The following MATN2 variants were observed in gnomAD, a reference collection of about 807,000 sequenced individuals.
The protein encoded by MATN2 is matrilin-2.
A neutral mutation model predicts 103.2 loss-of-function variants in MATN2; 69 were observed. The ratio of observed to expected loss-of-function variants is 0.67; its 90% CI spans 0.55 to 0.82. The LOEUF is 0.82. Among genes scored for constraint, MATN2 ranks in the 40% least tolerant of loss-of-function variants. The probability of loss-of-function intolerance (pLI) is 0.00; values close to 1 mark genes in which losing one functional copy is unlikely to be tolerated. For synonymous variants in MATN2, 429 were observed against 450.2 expected, an observed-to-expected ratio of 0.95 and a Z score of 0.60; for missense variants, 1,023 against 1,211.5, an observed-to-expected ratio of 0.84 and a Z score of 2.31.
At chr8:97,992,467 G>A (rs1346912536) in intron 6 of MATN2, among the ~76,000 whole-genome samples, 2 of 151,998 alleles carry the variant, frequency 1.3e-5, no homozygotes, top group Non-Finnish European at 2.9e-5. Context: ...CAATGTCTGG[G>A]CCAGGTGTGG....
intron 5 of MATN2, among the ~76,000 whole-genome samples, chr8:97,972,288 G>A (rs6980688): frequency 0.22 from 32,851 of 149,788 alleles, 3,999 homozygotes; most frequent in African/African-American, 0.31. Context: ...GCAGTGAGCC[G>A]TGATCATGCC....
chr8:98,026,291 G>A (rs1410919341), intron 13 of MATN2, among the ~76,000 whole-genome samples: 2 of 140,656 alleles, frequency 1.4e-5, no homozygotes, highest in Non-Finnish European at 3.0e-5. Context: ...GCAGGGTCTT[G>A]CTCTGTCACC....
chr8:97,928,061 G>A (rs989602459), intron 2 of MATN2, among the ~76,000 whole-genome samples: 2 of 152,224 alleles, frequency 1.3e-5, no homozygotes, highest in East Asian at 1.9e-4. Flanking sequence ...ATGAAGGGTC[G>A]GGCAGGTGTG....
Position 98,016,559 on chromosome 8 carries a change from G to A in MATN2, c.1593G>A (p.Leu531=). 6.2e-7 allele frequency: 1 copy of A among 1,609,454 alleles called. No individual in the cohort carries two copies. Among genetic ancestry groups the A allele is most frequent in the Non-Finnish European group, 8.5e-7 (1 of 1,177,524 alleles). Residue 531 remains leucine (L), a synonymous_variant, in exon 11 of 19, where the codon CTG becomes CTA. Coordinates refer to ENST00000254898, the MANE Select transcript of MATN2 (RefSeq NM_002380.5). The part of the protein sequence containing the change: ...KTCAKLDSCA[L]GDHGCEHSCV... Reference sequence around the variant, plus strand: ...TCTCAGAATTGGACTCTTGTGCTCTGGGGGACCACGGTTGTGAACATTCGT... The same window carrying A: ...TCTCAGAATTGGACTCTTGTGCTCTAGGGGACCACGGTTGTGAACATTCGT...
At chr8:97,928,899 A>G (rs1810084218) in intron 2 of MATN2, among the ~76,000 whole-genome samples, 2 of 152,204 alleles carry the variant, frequency 1.3e-5, no homozygotes, top group Non-Finnish European at 2.9e-5. Flanking sequence ...GTTCTCATCT[A>G]TGCAATGGGT....
At chr8:98,033,691 G>GA (rs1416969416) in intron 18 of MATN2, 32 bp downstream of exon 18, 1 of 1,329,424 alleles carries the variant, frequency 7.5e-7, no homozygotes, top group Admixed American at 1.9e-5. Flanking sequence ...CTTCTGTATG[G>GA]AATGCAAAGA....
At chr8:97,923,278 C>T (rs1016162689) in intron 2 of MATN2, among the ~76,000 whole-genome samples, 5 of 152,082 alleles carry the variant, frequency 3.3e-5, no homozygotes, top group Non-Finnish European at 7.4e-5. Context: ...TTCTCTGTCC[C>T]TTTAGGAAAT....
At chr8:97,963,808 C>A (rs1013720708) in intron 5 of MATN2, among the ~76,000 whole-genome samples, 2 of 152,086 alleles carry the variant, frequency 1.3e-5, no homozygotes, top group Non-Finnish European at 2.9e-5. Flanking sequence ...CCCTTTACAG[C>A]GGTTCACTAA....
intron 4 of MATN2, among the ~76,000 whole-genome samples, chr8:97,953,414 G>A (rs1257702593): frequency 3.3e-5 from 5 of 152,196 alleles, no homozygotes; most frequent in African/African-American, 1.2e-4. Flanking sequence ...GCCAGGGCGG[G>A]TAGATCGCTT....
intron 6 of MATN2, among the ~76,000 whole-genome samples, chr8:97,987,042 CGTGT>C (rs1812220519): frequency 6.6e-6 from 1 of 150,950 alleles, no homozygotes; most frequent in Non-Finnish European, 1.5e-5. Flanking sequence ...AGGGTTTCAT[CGTGT>C]TAGCCAGGGT....
At chr8:97,999,899 A>ATTTTTTTTG (rs1812723786) in intron 7 of MATN2, among the ~76,000 whole-genome samples, 1 of 149,762 alleles carries the variant, frequency 6.7e-6, no homozygotes, top group Non-Finnish European at 1.5e-5. Flanking sequence ...AATTTTTTTA[A>ATTTTTTTTG]AGACGGAATC....
At position 97,961,491 on chromosome 8, in the gene MATN2, A is replaced by G. The variant is rs776404516; in HGVS notation, c.919A>G (p.Ser307Gly). ...GGGCTCCTTCGTCTGCCAGTGCTAC[A>G]GTGGCTACGCCCTGGCTGAGGATGG... ...VPGSFVCQCYSGYALAEDGKR... is the reference protein window; with the variant it reads ...VPGSFVCQCYGGYALAEDGKR... Residue 307 changes from serine (S) to glycine (G), a missense_variant, in exon 5 of 19, where the codon AGT becomes GGT. Transcript: ENST00000254898. 1.2e-6 allele frequency: 2 copies of G among 1,613,802 alleles called. No homozygotes were observed. The highest frequency in any genetic ancestry group is 3.3e-5 in the Admixed American group (2 of 60,010).
chr8:97,931,568 T>C lies in MATN2; in HGVS notation c.712+46T>C, dbSNP rs1315812538. 1 of 1,473,078 alleles carries C rather than the reference T, an allele frequency of 6.8e-7. No individual in the cohort carries two copies. The highest frequency in any genetic ancestry group is 2.0e-5 in the Admixed American group (1 of 50,050). The allele number at this position is 1,473,078 out of a possible 1,614,324, so 91.3% of individuals were successfully genotyped here. ...ACTCTTCTAGAGGAACCACTAGAATTCATTCATTCATCTTCAAGTGTTCAT... is the reference window on the plus strand; with the variant it reads ...ACTCTTCTAGAGGAACCACTAGAATCCATTCATTCATCTTCAAGTGTTCAT... On this transcript the variant is annotated intron_variant, in intron 3 of 18. Coordinates refer to ENST00000254898, the MANE Select transcript of MATN2 (RefSeq NM_002380.5). The surrounding 1 kb of genome is among the most constrained non-coding windows in gnomAD (Gnocchi z 4.1).
intron 5 of MATN2, among the ~76,000 whole-genome samples, chr8:97,967,954 C>T (rs1422579589): frequency 6.6e-6 from 1 of 152,258 alleles, no homozygotes; most frequent in East Asian, 1.9e-4. Flanking sequence ...GACATCCAGG[C>T]TTTCCAAGAC....
intron 2 of MATN2, among the ~76,000 whole-genome samples, chr8:97,905,821 G>A (rs1485620649): frequency 6.6e-6 from 1 of 151,994 alleles, no homozygotes; most frequent in Non-Finnish European, 1.5e-5. Flanking sequence ...CACCATGCCT[G>A]GCTAATTTTT....
rs372415753 is a variant in MATN2, at chr8:98,007,434, C to G, written c.1451-45C>G. The G allele has an allele frequency of 7.4e-5, 118 of 1,595,114 alleles. No homozygotes were observed. The African/African-American group carries it at 1.3e-3, about 18-fold the overall frequency. On this transcript the variant is annotated intron_variant, in intron 9 of 18. Coordinates refer to ENST00000254898, the MANE Select transcript of MATN2 (RefSeq NM_002380.5). This position sits in a 1 kb window ranked among gnomAD's most constrained non-coding sequence, Gnocchi z 4.2. Reference sequence around the variant, plus strand: ...GTCACTTGATCCAATCACTGTCGCCCAGAGGTCTCACTGATAAAGGGCTGC... The same window carrying G: ...GTCACTTGATCCAATCACTGTCGCCGAGAGGTCTCACTGATAAAGGGCTGC...
At chr8:97,985,171 C>T (rs1400321289) in intron 6 of MATN2, among the ~76,000 whole-genome samples, 1 of 152,080 alleles carries the variant, frequency 6.6e-6, no homozygotes, top group Non-Finnish European at 1.5e-5. Flanking sequence ...CCACTCACAG[C>T]GGGAGGTGAT....
intron 2 of MATN2, among the ~76,000 whole-genome samples, chr8:97,928,119 C>T (rs1323879891): frequency 6.6e-6 from 1 of 152,068 alleles, no homozygotes; most frequent in Non-Finnish European, 1.5e-5. Context: ...CCCCCTTGTC[C>T]TCCTTCCTGG....
At chr8:97,995,986 C>G (rs1404084625) in intron 7 of MATN2, among the ~76,000 whole-genome samples, 1 of 152,102 alleles carries the variant, frequency 6.6e-6, no homozygotes, top group Non-Finnish European at 1.5e-5. Flanking sequence ...CTGGCCACTC[C>G]TCTGTGCTAT....
Sources: gnomAD v4.1 joint callset for allele counts (sites outside exome capture counted in the v4.1 genomes callset) on GRCh38, gnomAD v4.1.1 for gene constraint, Gnocchi (gnomAD v3.1) non-coding constraint, MANE v1.5 for transcripts, NCBI Gene and HGNC (gene_info 2026-07-23, HGNC 2026-07-21) for gene names.